Variants in DDX17 observed in about 807,000 individuals in gnomAD.
DDX17 encodes probable ATP-dependent RNA helicase DDX17.
In DDX17, 10 loss-of-function variants were observed where a neutral mutation model predicts 80.8. The ratio of observed to expected loss-of-function variants is 0.12; its 90% confidence interval spans 0.08 to 0.21. The LOEUF (loss-of-function observed/expected upper bound fraction) is 0.21, where lower values mean the gene tolerates loss of function less well. Among genes scored for constraint, DDX17 ranks in the 10% least tolerant of loss-of-function variants. The pLI is 1.00. For missense variants in DDX17, 586 were observed against 957.4 expected (o/e 0.61, Z 5.12); for synonymous variants, 339 against 336.2 (o/e 1.01, Z -0.09).
chr22:38,494,995 G>A lies in DDX17; in HGVS notation c.932C>T (p.Ser311Leu). The change falls in exon 7 of 13, where the codon TCA (serine) becomes TTA (leucine). Residue 311 changes from serine to leucine, a missense_variant. This residue lies in a region of DDX17 where 141 missense variants were observed against 379.3 expected (regional missense o/e 0.37). Coordinates refer to ENST00000403230, the MANE Select transcript of DDX17 (RefSeq NM_006386.5). ...ACATCGGCGAAGATTTGTCTTTCCT[G>A]ACTCCAGGAAATCTATCAGACGTCC... The A allele has an allele frequency of 6.2e-7, 1 of 1,614,106 alleles. No homozygotes were observed. Among genetic ancestry groups the A allele is most frequent in the Non-Finnish European group, 8.5e-7 (1 of 1,180,036 alleles).
Position 38,506,059 on chromosome 22 carries a change from T to C in DDX17, c.179A>G (p.Gln60Arg), listed in dbSNP as rs1295989875. Residue 60 changes from glutamine (Q) to arginine (R), a missense_variant, in exon 1 of 13, where the codon CAG (glutamine) becomes CGG (arginine). By Grantham distance (43) the Gln-to-Arg change is conservative. Transcript: ENST00000403230. ...ACGGATGGCCGGGCTCGGGAGGGCC[T>C]GCGGCTCCGGTCTGGTGACGACCGA... 7 of 1,585,114 alleles carry C rather than the reference T, an allele frequency of 4.4e-6. No individual in the cohort carries two copies. The highest frequency in any genetic ancestry group is 5.1e-6 in the Non-Finnish European group (6 of 1,166,714).
intron 3 of DDX17, among the ~76,000 whole-genome samples, chr22:38,499,182 G>A (rs2089801573): frequency 6.6e-6 from 1 of 152,086 alleles, no homozygotes; most frequent in Non-Finnish European, 1.5e-5. Context: ...TTTTCTAAAA[G>A]GCAGAGGGCA....
Position 38,489,283 on chromosome 22 carries a change from CCTTTTA to C in DDX17, c.1448-1174_1448-1169del, listed in dbSNP as rs2089691625. 1 of 985,722 alleles carries C rather than the reference CCTTTTA, an allele frequency of 1.0e-6. No individual in the cohort carries two copies. The highest frequency in any genetic ancestry group is 1.2e-6 in the Non-Finnish European group (1 of 829,938). 61.1% of individuals were successfully genotyped at this position (985,722 alleles called of 1,614,324 possible). A position where few individuals can be genotyped will look rare whatever the true frequency, so the allele number is the denominator to read the frequency against. On this transcript the variant is annotated intron_variant, in intron 11 of 12. Coordinates refer to ENST00000403230, the MANE Select transcript of DDX17 (RefSeq NM_006386.5). The surrounding 1 kb of genome is among the most constrained non-coding windows in gnomAD (Gnocchi z 4.6). ...CGCTGCAGCCGATCCCGTCTCTTTG[CCTTTTA>C]TTTTTGGCGGCCTCCTTTCGAAAAC...
intron 11 of DDX17, chr22:38,490,413 G>C (rs2089701646): frequency 7.8e-7 from 1 of 1,289,360 alleles, no homozygotes; most frequent in Non-Finnish European, 1.0e-6. Context: ...TGTATTGAGT[G>C]ATCTGCAGCT....
chr22:38,490,460 A>T, intron 11 of DDX17: 7 of 1,288,528 alleles, frequency 5.4e-6, no homozygotes, highest in Non-Finnish European at 7.1e-6. Context: ...AAACAAAATA[A>T]ATTCAATACT....
In DDX17 at chr22:38,495,061, C is replaced by T; in HGVS notation, c.881-15G>A. On this transcript the variant is annotated splice_polypyrimidine_tract_variant and intron_variant, in intron 6 of 12. Transcript: ENST00000403230. Reference sequence around the variant, plus strand: ...GATCTCAACACCTGTAAAACAAAACCAATGATCGAGCCAATCGACTAGGTG... The same window carrying T: ...GATCTCAACACCTGTAAAACAAAACTAATGATCGAGCCAATCGACTAGGTG... The T allele has an allele frequency of 6.2e-7, 1 of 1,608,798 alleles. No homozygotes were observed. The highest frequency in any genetic ancestry group is 8.5e-7 in the Non-Finnish European group (1 of 1,177,920).
In DDX17 at chr22:38,494,010, G is replaced by GCTATA. The variant is rs781386948; in HGVS notation, c.1325+6_1325+10dup. ...AAAACCAGAGGTTAATTGCCTTGGTGCTATACTCACCCATCTCTGCGCATC... is the reference window on the plus strand; with the variant it reads ...AAAACCAGAGGTTAATTGCCTTGGTGCTATACTATACTCACCCATCTCTGCGCATC... On this transcript the variant is annotated intron_variant, in intron 9 of 12. Transcript: ENST00000403230. 4 of 1,599,094 alleles carry GCTATA rather than the reference G, an allele frequency of 2.5e-6. No homozygotes were observed. The African/African-American group carries it at 5.4e-5, about 21-fold the overall frequency.
Position 38,506,140 on chromosome 22 carries a change from G to A in DDX17, c.98C>T (p.Ser33Leu), listed in dbSNP as rs2089881647. The A allele has an allele frequency of 6.3e-7, 1 of 1,581,712 alleles. No homozygotes were observed. Among genetic ancestry groups the A allele is most frequent in the East Asian group, 2.3e-5 (1 of 43,290 alleles). ...GGCAGGCGCAGCGCTCTCTCGCTCC[G>A]ACGCGCTGTCTCCCGTCGCAGACGC... is the stretch of plus-strand genomic sequence containing the variant. The change falls in exon 1 of 13, where the codon TCG (serine) becomes TTG (leucine). Residue 33 changes from serine to leucine, a missense_variant. Around this residue, in one of 4 missense-constraint regions of DDX17, gnomAD observed 215 missense variants for 238.4 expected, o/e 0.90. Transcript: ENST00000403230.
intron 2 of DDX17, among the ~76,000 whole-genome samples, chr22:38,499,827 T>C (rs1273219344): frequency 6.6e-6 from 1 of 152,088 alleles, no homozygotes; most frequent in African/African-American, 2.4e-5. Context: ...AGAGTAACCA[T>C]TTCATGTGTA....
At chr22:38,496,656 T>A (rs1018865468) in intron 5 of DDX17, among the ~76,000 whole-genome samples, 1 of 152,082 alleles carries the variant, frequency 6.6e-6, no homozygotes, top group African/African-American at 2.4e-5. Flanking sequence ...GGCCTAAAAT[T>A]TGGAATTTTG....
At chr22:38,487,744 A>G in intron 12 of DDX17, 135 bp downstream of exon 12, 1 of 830,926 alleles carries the variant, frequency 1.2e-6, no homozygotes, top group South Asian at 1.6e-5. Context: ...AAGGTTATAA[A>G]AAGCATTAGG....
intron 1 of DDX17, among the ~76,000 whole-genome samples, chr22:38,502,863 T>C (rs1315965248): frequency 2.0e-5 from 3 of 152,234 alleles, no homozygotes; most frequent in African/African-American, 4.8e-5. Context: ...AACTTCATCT[T>C]ATATAAAGTT....
chr22:38,501,615 A>G (rs2089831734), intron 1 of DDX17, among the ~76,000 whole-genome samples: 1 of 152,250 alleles, frequency 6.6e-6, no homozygotes, highest in African/African-American at 2.4e-5. Context: ...TTTGAAGAGA[A>G]TTATTTAACT....
rs1331795768 is a variant in DDX17, at chr22:38,489,658, G to A, written c.1448-1543C>T. On this transcript the variant is annotated intron_variant, in intron 11 of 12. Transcript: ENST00000403230. This position sits in a 1 kb window ranked among gnomAD's most constrained non-coding sequence, Gnocchi z 4.6. ...AATTAGCTGTTGTTACAGGGCTTGT[G>A]AAGAAGGGGCATTATGTCTGTTTCT... 2 of 985,232 alleles carry A rather than the reference G, an allele frequency of 2.0e-6. No homozygotes were observed. The highest frequency in any genetic ancestry group is 2.4e-6 in the Non-Finnish European group (2 of 829,934). The allele number at this position is 985,232 out of a possible 1,614,324, so 61.0% of individuals were successfully genotyped here. A position where few individuals can be genotyped will look rare whatever the true frequency, so the allele number is the denominator to read the frequency against.
chr22:38,498,481 T>C lies in DDX17; in HGVS notation c.631A>G (p.Met211Val), dbSNP rs771166784. ...GAGCCAGTCTGAGCAATGCCCACCATATCCCGGCCACTAAGAGCCAACGGA... is the reference window on the plus strand; with the variant it reads ...GAGCCAGTCTGAGCAATGCCCACCACATCCCGGCCACTAAGAGCCAACGGA... The change falls in exon 4 of 13, where the codon ATG becomes GTG. Residue 211 changes from methionine to valine, a missense_variant. Met to Val is a conservative substitution (Grantham distance 21). This residue lies in a region of DDX17 where 141 missense variants were observed against 379.3 expected (regional missense o/e 0.37). Coordinates refer to ENST00000403230, the MANE Select transcript of DDX17 (RefSeq NM_006386.5). 24 of 1,614,072 alleles carry C rather than the reference T, an allele frequency of 1.5e-5. No individual in the cohort carries two copies. The highest frequency in any genetic ancestry group is 2.0e-5 in the Non-Finnish European group (24 of 1,180,032).
chr22:38,488,175 G>GGACA, intron 11 of DDX17, 60 bp from the exon 12 acceptor site: 1 of 1,610,518 alleles, frequency 6.2e-7, no homozygotes, highest in South Asian at 1.1e-5. Context: ...AGAAGGTAAA[G>GGACA]GACATGCCAA....
intron 3 of DDX17, among the ~76,000 whole-genome samples, chr22:38,498,869 A>G (rs915074525): frequency 1.5e-4 from 23 of 152,300 alleles, no homozygotes; most frequent in Admixed American, 1.4e-3. Flanking sequence ...TACAAAAATT[A>G]GCCAGAGTGG....
chr22:38,490,553 A>T (rs2145690762), intron 11 of DDX17: 1 of 809,170 alleles, frequency 1.2e-6, no homozygotes, highest in East Asian at 6.3e-5. Context: ...TAGCCTAAGG[A>T]TGACTATTAT....
chr22:38,484,244 T>TGG lies in DDX17; in HGVS notation c.*1689_*1690dup, dbSNP rs5845383. The TGG allele has an allele frequency of 3.4e-4, 48 of 141,636 alleles. No individual in the cohort carries two copies. Among genetic ancestry groups the TGG allele is most frequent in the Non-Finnish European group, 4.2e-4 (27 of 64,826 alleles). 8.8% of individuals were successfully genotyped at this position (141,636 alleles called of 1,614,324 possible). ...TCCCTTGGCCTCAACTTCTGTAAGA[T>TGG]GGGGGGGGGACAAAAAGAGAAGTAA... On this transcript the variant is annotated 3_prime_UTR_variant, in exon 13 of 13. Transcript: ENST00000403230.
Sources: allele counts gnomAD v4.1 joint callset (sites outside exome capture counted in the v4.1 genomes callset), GRCh38; gene constraint gnomAD v4.1.1; regional missense constraint gnomAD v4.1.1; non-coding constraint Gnocchi (gnomAD v3.1); transcripts MANE v1.5; gene names NCBI Gene and HGNC (gene_info 2026-07-23, HGNC 2026-07-21).